The following GNS variants were observed in gnomAD, a reference collection of about 807,000 sequenced individuals.
The protein encoded by GNS is N-acetylglucosamine-6-sulfatase.
In GNS, 40 loss-of-function variants were observed where a neutral mutation model predicts 69.7. The ratio of observed to expected loss-of-function variants is 0.57; its 90% confidence interval spans 0.45 to 0.75. GNS has a LOEUF of 0.75. Ranked by LOEUF, GNS falls within the 30% of genes least tolerant of loss-of-function variation. The pLI, the probability that GNS is intolerant of heterozygous loss-of-function variation, is 0.00. For synonymous variants in GNS, 243 were observed against 251.6 expected (o/e 0.97, Z 0.32); for missense variants, 565 against 685.5 (o/e 0.82, Z 1.96).
At chr12:64,734,358 A>T (rs1422956197) in intron 9 of GNS, among the ~76,000 whole-genome samples, 1 of 152,184 alleles carries the variant, frequency 6.6e-6, no homozygotes, top group African/African-American at 2.4e-5. Flanking sequence ...CAAACTTAAT[A>T]GGGTGTGACA....
chr12:64,744,479 GC>G (rs1262436844), intron 5 of GNS, among the ~76,000 whole-genome samples: 1 of 152,176 alleles, frequency 6.6e-6, no homozygotes, highest in East Asian at 1.9e-4. Flanking sequence ...ACATCTTGTA[GC>G]TTGTGAGTAA....
intron 8 of GNS, among the ~76,000 whole-genome samples, chr12:64,738,483 T>C (rs1869620983): frequency 6.6e-6 from 1 of 152,162 alleles, no homozygotes; most frequent in Non-Finnish European, 1.5e-5. Flanking sequence ...AGCTGGATAA[T>C]GGAGGTTATT....
At position 64,716,796 on chromosome 12, in the gene GNS, A is replaced by G. The variant is rs1401728705; in HGVS notation, c.1604T>C (p.Met535Thr). The change falls in exon 14 of 14, where the codon ATG becomes ACG. Residue 535 changes from methionine (M) to threonine (T), a missense_variant. Met to Thr is a moderately conservative substitution (Grantham distance 81, BLOSUM62 -1). Coordinates refer to ENST00000258145, the MANE Select transcript of GNS (RefSeq NM_002076.4). ...CCTGACACTGCCGCGATTGCTGAAC[A>G]TGAGACGGGGGTCAAACCTGTATCT... is the stretch of plus-strand genomic sequence containing the variant. ...DPGYRFDPRL[M>T]FSNRGSVRTR... 4 of 1,613,108 alleles carry G rather than the reference A, an allele frequency of 2.5e-6. No individual in the cohort carries two copies. The highest frequency in any genetic ancestry group is 2.2e-5 in the South Asian group (2 of 91,066).
At chr12:64,733,678 C>T (rs1313719037) in intron 9 of GNS, among the ~76,000 whole-genome samples, 2 of 152,166 alleles carry the variant, frequency 1.3e-5, no homozygotes, top group Non-Finnish European at 2.9e-5. Context: ...ATAATGGAGG[C>T]TTAACATCCT....
chr12:64,718,855 G>C (rs1868941186), intron 13 of GNS, among the ~76,000 whole-genome samples: 1 of 152,226 alleles, frequency 6.6e-6, no homozygotes, highest in Non-Finnish European at 1.5e-5. Context: ...TGCAAAGTCA[G>C]CACATGTAAA....
rs569334726 is a variant in GNS, at chr12:64,722,622, T to C, written c.1308+384A>G. ...TTGTGACCTGCCTGGCTGCCGCCAA[T>C]GCGAGGCACTCATAATGGCATGGTT... On this transcript the variant is annotated intron_variant, in intron 11 of 13. Coordinates refer to ENST00000258145, the MANE Select transcript of GNS (RefSeq NM_002076.4). Among the ~76,000 whole-genome samples the C allele has an allele frequency of 5.9e-5, 9 of 152,314 alleles. No homozygotes were observed. In the South Asian group the frequency reaches 1.9e-3, roughly 32 times the overall value.
At chr12:64,720,750 G>A (rs1001675131) in intron 12 of GNS, among the ~76,000 whole-genome samples, 7 of 152,180 alleles carry the variant, frequency 4.6e-5, no homozygotes, top group East Asian at 1.9e-4. Flanking sequence ...CAGGTCTAAC[G>A]CAGTACTTTT....
At position 64,754,691 on chromosome 12, in the gene GNS, C is replaced by T. The variant is rs145293528; in HGVS notation, c.193-1934G>A. Among the ~76,000 whole-genome samples, 1,374 of 152,036 alleles carry T rather than the reference C, an allele frequency of 9.0e-3. 23 individuals carry two copies. Among genetic ancestry groups the T allele is most frequent in the African/African-American group, 0.031 (1,302 of 41,456 alleles). ...ACTGCTTGAGGCCAGGAGTTTGAGA[C>T]CAGTCTGGGCAACACAGCAAGACCC... On this transcript the variant is annotated intron_variant, in intron 1 of 13. Coordinates refer to ENST00000258145, the MANE Select transcript of GNS (RefSeq NM_002076.4).
At chr12:64,740,322 T>G (rs1033560364) in intron 7 of GNS, among the ~76,000 whole-genome samples, 1 of 152,210 alleles carries the variant, frequency 6.6e-6, no homozygotes, top group Admixed American at 6.5e-5. Context: ...CACCTTTTCT[T>G]TAAAGCAGGA....
At chr12:64,749,473 C>T (rs1164318270) in intron 2 of GNS, among the ~76,000 whole-genome samples, 5 of 151,910 alleles carry the variant, frequency 3.3e-5, no homozygotes, top group East Asian at 3.9e-4. Flanking sequence ...AGGATGGTCT[C>T]GATCTCTTGA....
intron 12 of GNS, 91 bp from the exon 13 acceptor site, chr12:64,720,273 GA>G: frequency 1.1e-6 from 1 of 869,682 alleles, no homozygotes; most frequent in Non-Finnish European, 1.9e-6. Context: ...AAGGGGAAGG[GA>G]GGAGGTAGAT....
At chr12:64,741,928 T>C (rs139021805) in intron 6 of GNS, among the ~76,000 whole-genome samples, 70 of 152,362 alleles carry the variant, frequency 4.6e-4, no homozygotes, top group African/African-American at 1.6e-3. Flanking sequence ...GGGAACTTTT[T>C]ATTAACTTCT....
rs1192175950 is a variant in GNS at position 64,729,816 on chromosome 12, CATT to C, written c.1099-762_1099-760del. On this transcript the variant is annotated intron_variant, in intron 9 of 13. Coordinates refer to ENST00000258145, the MANE Select transcript of GNS (RefSeq NM_002076.4). ...GTAATTAAAAATTGTCCAATAACCA[CATT>C]AATAAAAACAGGTAAAACTGTATAT... Among the ~76,000 whole-genome samples the C allele has an allele frequency of 1.1e-4, 17 of 152,222 alleles. No homozygotes were observed. In the South Asian group the frequency reaches 2.9e-3, roughly 26 times the overall value.
At chr12:64,734,221 G>A (rs1031553061) in intron 9 of GNS, among the ~76,000 whole-genome samples, 9 of 152,236 alleles carry the variant, frequency 5.9e-5, no homozygotes, top group African/African-American at 2.2e-4. Context: ...TCCCTGATCT[G>A]CCACTTACTT....
intron 10 of GNS, among the ~76,000 whole-genome samples, chr12:64,724,794 G>A (rs982951146): frequency 6.6e-6 from 1 of 152,216 alleles, no homozygotes; most frequent in Non-Finnish European, 1.5e-5. Context: ...CCGGACGGCA[G>A]AGGTTGTGGT....
intron 10 of GNS, among the ~76,000 whole-genome samples, chr12:64,727,581 C>T (rs535387171): frequency 6.6e-6 from 1 of 152,268 alleles, no homozygotes; most frequent in East Asian, 1.9e-4. Context: ...AAGGTACTGA[C>T]ACGTTACAAT....
rs769055154 is a variant in GNS, at chr12:64,743,226, G to A, written c.707C>T (p.Ser236Leu). The stretch of plus-strand genomic sequence containing the variant: ...GTACTGAGGTGCAGCTGTCCAAGGC[G>A]AATGAGGCGCTGGAGTGGCGATCAT... ...FMMIATPAPH[S>L]PWTAAPQYQK... is the part of the protein sequence containing the mutation. Residue 236 changes from serine (S) to leucine (L), a missense_variant, in exon 6 of 14, where the codon TCG becomes TTG. Physicochemically the swap from Ser to Leu is moderately radical, Grantham distance 145. This residue lies in a region of GNS where 384 missense variants were observed against 511.0 expected (regional missense o/e 0.75). Transcript: ENST00000258145. The A allele has an allele frequency of 5.0e-6, 8 of 1,612,360 alleles. No individual in the cohort carries two copies. Among genetic ancestry groups the A allele is most frequent in the South Asian group, 2.2e-5 (2 of 91,034 alleles).
chr12:64,736,960 G>T, intron 9 of GNS, 44 bp downstream of exon 9: 1 of 939,168 alleles, frequency 1.1e-6, no homozygotes, highest in Non-Finnish European at 1.8e-6. Flanking sequence ...ATTTTCTCAG[G>T]CAAGTGCCTA....
intron 1 of GNS, among the ~76,000 whole-genome samples, chr12:64,757,638 G>A (rs1343989358): frequency 6.6e-6 from 1 of 152,180 alleles, no homozygotes. Flanking sequence ...AAGCTCTTGA[G>A]CATCAACCTA....
Sources: allele counts gnomAD v4.1 joint callset (sites outside exome capture counted in the v4.1 genomes callset), GRCh38; gene constraint gnomAD v4.1.1; regional missense constraint gnomAD v4.1.1; transcripts MANE v1.5; gene names NCBI Gene and HGNC (gene_info 2026-07-23, HGNC 2026-07-21).